CERS5: variants seen among roughly 807,000 people sequenced by gnomAD.
CERS5 encodes ceramide synthase 5, also known as LAG1 homolog, ceramide synthase 5.
CERS5 carries 37 observed loss-of-function variants against 58.9 expected under a neutral mutation model. The ratio of observed to expected loss-of-function variants is 0.63; its 90% confidence interval spans 0.48 to 0.83. The LOEUF (loss-of-function observed/expected upper bound fraction) is 0.83, where lower values mean the gene tolerates loss of function less well. Among genes scored for constraint, CERS5 ranks in the 40% least tolerant of loss-of-function variants. CERS5 has a pLI of 0.00. For missense variants in CERS5, 398 were observed against 489.3 expected, an observed-to-expected ratio of 0.81 and a Z score of 1.76; for synonymous variants, 147 against 177.8, an observed-to-expected ratio of 0.83 and a Z score of 1.38.
intron 1 of CERS5, among the ~76,000 whole-genome samples, chr12:50,164,264 CA>C (rs1939628414): frequency 1.3e-5 from 2 of 151,524 alleles, no homozygotes; most frequent in South Asian, 4.2e-4. Context: ...CCCGCTCTCC[CA>C]ATTTTTTTTT....
At chr12:50,155,760 A>AAAT (rs1486086906) in intron 1 of CERS5, among the ~76,000 whole-genome samples, 1 of 147,604 alleles carries the variant, frequency 6.8e-6, no homozygotes, top group African/African-American at 2.5e-5. Context: ...AAAAAAAAAA[A>AAAT]AAGGCCCAGC....
chr12:50,163,588 TG>T (rs1446056431), intron 1 of CERS5, among the ~76,000 whole-genome samples: 1 of 152,300 alleles, frequency 6.6e-6, no homozygotes, highest in Admixed American at 6.5e-5. Flanking sequence ...CCCAAAACTT[TG>T]GGAAGCTGAG....
intron 1 of CERS5, among the ~76,000 whole-genome samples, chr12:50,149,118 G>A (rs1024104148): frequency 6.6e-6 from 1 of 151,482 alleles, no homozygotes; most frequent in Non-Finnish European, 1.5e-5. Flanking sequence ...GATTGTAAAG[G>A]AGTCCTGAGA....
At chr12:50,153,436 C>T (rs939847557) in intron 1 of CERS5, among the ~76,000 whole-genome samples, 2 of 151,450 alleles carry the variant, frequency 1.3e-5, no homozygotes, top group Non-Finnish European at 2.9e-5. Flanking sequence ...TGCACCACCA[C>T]GTCCAGCTAA....
At chr12:50,143,350 G>GT in intron 2 of CERS5, 146 bp from the exon 3 acceptor site, 1 of 924,462 alleles carries the variant, frequency 1.1e-6, no homozygotes, top group Non-Finnish European at 1.6e-6. Context: ...GTCATTTTTA[G>GT]TAAGAAATTT....
intron 6 of CERS5, among the ~76,000 whole-genome samples, chr12:50,137,445 C>T (rs957861561): frequency 1.3e-5 from 2 of 152,116 alleles, no homozygotes; most frequent in Non-Finnish European, 2.9e-5. Context: ...TGACTAGTTT[C>T]CTGAGCTTTA....
chr12:50,141,583 A>G (rs977691838), intron 4 of CERS5, among the ~76,000 whole-genome samples: 1 of 152,160 alleles, frequency 6.6e-6, no homozygotes, highest in Non-Finnish European at 1.5e-5. Flanking sequence ...AAGACAATCT[A>G]TTAGGATATA....
chr12:50,163,027 T>C (rs141660870), intron 1 of CERS5, among the ~76,000 whole-genome samples: 1,548 of 152,204 alleles, frequency 0.01, 22 homozygotes, highest in African/African-American at 0.035. Flanking sequence ...GCCTCCTGAG[T>C]AGCTGGGACT....
Position 50,129,295 on chromosome 12 carries a change from A to T in CERS5, c.*1250T>A, listed in dbSNP as rs1030880083. The stretch of plus-strand genomic sequence containing the variant: ...GCATGTAATGAGTCATGTGTTAGTT[A>T]TTATTTTTATTATTGTTTTATCCAA... On this transcript the variant is annotated 3_prime_UTR_variant, in exon 10 of 10. Coordinates refer to ENST00000317551, the MANE Select transcript of CERS5 (RefSeq NM_147190.5). 4 of 152,086 alleles carry T rather than the reference A, an allele frequency of 2.6e-5. No homozygotes were observed. Among genetic ancestry groups the T allele is most frequent in the Admixed American group, 6.6e-5 (1 of 15,262 alleles). 9.4% of individuals were successfully genotyped at this position (152,086 alleles called of 1,614,324 possible).
intron 1 of CERS5, chr12:50,144,298 T>G: frequency 5.0e-6 from 2 of 398,506 alleles, no homozygotes; most frequent in Non-Finnish European, 9.1e-6. Flanking sequence ...CGTGGGCCAC[T>G]GTGCTGGCTG....
At chr12:50,163,081 T>C (rs1316328877) in intron 1 of CERS5, among the ~76,000 whole-genome samples, 2 of 152,182 alleles carry the variant, frequency 1.3e-5, no homozygotes, top group African/African-American at 4.8e-5. Context: ...TTATTTTTTG[T>C]AGGATCAGGG....
chr12:50,156,424 A>T (rs1365201094), intron 1 of CERS5, among the ~76,000 whole-genome samples: 1 of 125,356 alleles, frequency 8.0e-6, no homozygotes, highest in African/African-American at 3.1e-5. Flanking sequence ...AACAAACTAT[A>T]TATATATATA....
chr12:50,135,163 A>G (rs1361898415), intron 8 of CERS5, among the ~76,000 whole-genome samples: 4 of 45,252 alleles, frequency 8.8e-5, no homozygotes, highest in African/African-American at 1.9e-4. Flanking sequence ...AGGGAGAGAG[A>G]GGGGAGGGAG....
At chr12:50,157,026 G>A (rs941843894) in intron 1 of CERS5, among the ~76,000 whole-genome samples, 2 of 152,222 alleles carry the variant, frequency 1.3e-5, no homozygotes, top group Non-Finnish European at 2.9e-5. Flanking sequence ...GAAAGGCAGA[G>A]CCACCCTTAA....
At chr12:50,148,618 C>A in intron 1 of CERS5, 1 of 284,110 alleles carries the variant, frequency 3.5e-6, no homozygotes, top group South Asian at 2.7e-5. Flanking sequence ...ATAAATAGGC[C>A]GGGCGTGGTG....
intron 1 of CERS5, among the ~76,000 whole-genome samples, chr12:50,157,165 G>A (rs12815871): frequency 0.29 from 44,346 of 151,700 alleles, 7,573 homozygotes; most frequent in Middle Eastern, 0.4. Flanking sequence ...CTCAAACATC[G>A]GACTCCAAGC....
intron 8 of CERS5, chr12:50,135,257 GGAGAGAGGGGAGGGAGGGAGA>G (rs1942496443): frequency 1.6e-5 from 2 of 122,786 alleles, no homozygotes; most frequent in Non-Finnish European, 3.0e-5. Flanking sequence ...GAGGAGGGAG[GGAGAGAGGGGAGGGAGGGAGA>G]GAGAGGAGAG....
chr12:50,156,189 C>T lies in CERS5; in HGVS notation c.197+10912G>A, dbSNP rs1256195017. On this transcript the variant is annotated intron_variant, in intron 1 of 9. Coordinates refer to ENST00000317551, the MANE Select transcript of CERS5 (RefSeq NM_147190.5). ...GGCTGAGGCGGGTGGATCACAAGGT[C>T]AGGAGATCGAGACCATCCTGACTAA... Among the ~76,000 whole-genome samples, 3 of 149,342 alleles carry T rather than the reference C, an allele frequency of 2.0e-5. No individual in the cohort carries two copies. In the East Asian group the frequency reaches 5.9e-4, roughly 29 times the overall value.
intron 1 of CERS5, among the ~76,000 whole-genome samples, chr12:50,153,643 AT>A (rs1449153244): frequency 2.0e-5 from 3 of 152,160 alleles, no homozygotes; most frequent in Admixed American, 6.5e-5. Flanking sequence ...CAAATGATGG[AT>A]ACATGATGTC....
Sources: gnomAD v4.1 joint callset for allele counts (sites outside exome capture counted in the v4.1 genomes callset) on GRCh38, gnomAD v4.1.1 for gene constraint, MANE v1.5 for transcripts, NCBI Gene and HGNC (gene_info 2026-07-23, HGNC 2026-07-21) for gene names.